SESN1: variants seen among roughly 807,000 people sequenced by gnomAD.
The protein encoded by SESN1 is sestrin-1.
In SESN1, 30 loss-of-function variants were observed where a neutral mutation model predicts 59.3. That is an observed-to-expected ratio of 0.51 (90% CI 0.38 to 0.69). The LOEUF is 0.69. Ranked by LOEUF, SESN1 falls within the 30% of genes least tolerant of loss-of-function variation. SESN1 has a pLI of 0.00. For missense variants in SESN1, 566 were observed against 673.0 expected, an observed-to-expected ratio of 0.84 and a Z score of 1.76; for synonymous variants, 197 against 219.9, an observed-to-expected ratio of 0.90 and a Z score of 0.92.
At chr6:109,091,906 T>C (rs1422715280) in intron 1 of SESN1, among the ~76,000 whole-genome samples, 3 of 152,212 alleles carry the variant, frequency 2.0e-5, no homozygotes, top group Admixed American at 6.5e-5. Context: ...AAGTATAAAT[T>C]TGTTCATCCA....
At chr6:109,060,392 G>C (rs1324863417) in intron 1 of SESN1, among the ~76,000 whole-genome samples, 1 of 152,098 alleles carries the variant, frequency 6.6e-6, no homozygotes, top group Non-Finnish European at 1.5e-5. Flanking sequence ...TTTCTAATTG[G>C]GAGTGGCAAG....
At chr6:109,013,497 C>T (rs762130983) in intron 1 of SESN1, among the ~76,000 whole-genome samples, 47 of 152,062 alleles carry the variant, frequency 3.1e-4, no homozygotes, top group Non-Finnish European at 5.4e-4. Context: ...CTTCCCTGAG[C>T]GCATTAGGTC....
chr6:108,993,067 T>C, intron 6 of SESN1, 168 bp from the exon 7 acceptor site: 1 of 556,414 alleles, frequency 1.8e-6, no homozygotes, highest in Non-Finnish European at 3.1e-6. Flanking sequence ...GTAAACAGAA[T>C]GTAGTAAAAG....
At chr6:109,050,679 T>C (rs563271147) in intron 1 of SESN1, among the ~76,000 whole-genome samples, 1 of 152,180 alleles carries the variant, frequency 6.6e-6, no homozygotes, top group Non-Finnish European at 1.5e-5. Flanking sequence ...ACATAATCCT[T>C]AGGTCTCTCA....
intron 5 of SESN1, among the ~76,000 whole-genome samples, chr6:108,994,860 G>A (rs550523323): frequency 3.2e-4 from 49 of 151,872 alleles, no homozygotes; most frequent in Non-Finnish European, 6.9e-4. Context: ...CTGCCACCAT[G>A]CCCGGCTAAT....
intron 1 of SESN1, among the ~76,000 whole-genome samples, chr6:109,067,375 G>C (rs1043644565): frequency 6.6e-6 from 1 of 152,080 alleles, no homozygotes; most frequent in Admixed American, 6.5e-5. Flanking sequence ...AGTCATCAAG[G>C]GTAGAAGTCT....
chr6:108,990,982 A>G (rs1317976201), intron 7 of SESN1, 147 bp from the exon 8 acceptor site: 11 of 638,614 alleles, frequency 1.7e-5, no homozygotes, highest in Non-Finnish European at 2.9e-5. Context: ...CTTACACTCC[A>G]ATCTTTTTTT....
At chr6:109,081,618 T>G (rs1322005609) in intron 1 of SESN1, among the ~76,000 whole-genome samples, 1 of 152,210 alleles carries the variant, frequency 6.6e-6, no homozygotes, top group Non-Finnish European at 1.5e-5. Context: ...TAAGACAACT[T>G]GATTCCAATC....
chr6:109,033,439 T>C (rs1266388490), intron 1 of SESN1, among the ~76,000 whole-genome samples: 3 of 152,234 alleles, frequency 2.0e-5, no homozygotes, highest in Admixed American at 2.0e-4. Flanking sequence ...TTGATGGAGA[T>C]GCTTATCAAT....
intron 1 of SESN1, among the ~76,000 whole-genome samples, chr6:109,084,181 T>C (rs1033802438): frequency 7.2e-5 from 11 of 152,356 alleles, no homozygotes; most frequent in East Asian, 5.8e-4. Context: ...CAATGAATGA[T>C]TATATATACA....
intron 1 of SESN1, among the ~76,000 whole-genome samples, chr6:109,013,815 C>G (rs1485719069): frequency 1.3e-5 from 2 of 152,178 alleles, no homozygotes; most frequent in East Asian, 1.9e-4. Flanking sequence ...TCATTTAGAA[C>G]AAATGCTGGT....
intron 1 of SESN1, among the ~76,000 whole-genome samples, chr6:109,056,889 TA>T (rs1780641125): frequency 6.6e-6 from 1 of 152,186 alleles, no homozygotes; most frequent in Non-Finnish European, 1.5e-5. Flanking sequence ...GATTAGGTTA[TA>T]AAAGACATTG....
At position 109,011,296 on chromosome 6, in the gene SESN1, A is replaced by G. The variant is rs1779854192; in HGVS notation, c.280-8953T>C. Among the ~76,000 whole-genome samples, 3 of 152,232 alleles carry G rather than the reference A, an allele frequency of 2.0e-5. No homozygotes were observed. In the South Asian group the frequency reaches 6.2e-4, roughly 31 times the overall value. On this transcript the variant is annotated intron_variant, in intron 1 of 9. Coordinates refer to ENST00000436639, the MANE Select transcript of SESN1 (RefSeq NM_014454.3). The stretch of plus-strand genomic sequence containing the variant: ...TTTATTGAAGAAATATTTCAGATAT[A>G]CTGAAATTGTATAGGAAGCTCCAAT...
intron 1 of SESN1, chr6:109,009,523 C>G: frequency 8.4e-7 from 1 of 1,187,174 alleles, no homozygotes; most frequent in South Asian, 4.1e-5. Context: ...GGCCGCGGCT[C>G]CTGGCTGCAG....
chr6:109,093,356 C>T (rs1425368672), intron 1 of SESN1, among the ~76,000 whole-genome samples: 1 of 152,036 alleles, frequency 6.6e-6, no homozygotes, highest in Non-Finnish European at 1.5e-5. Context: ...ATTTAGAGAA[C>T]ACATCCTGGT....
At chr6:109,055,922 T>C (rs2114449030) in intron 1 of SESN1, among the ~76,000 whole-genome samples, 1 of 152,322 alleles carries the variant, frequency 6.6e-6, no homozygotes, top group East Asian at 1.9e-4. Flanking sequence ...GGTATAGTTT[T>C]AGATTTCAGA....
chr6:109,001,337 T>A lies in SESN1; in HGVS notation c.497A>T (p.Gln166Leu). 3 of 1,613,920 alleles carry A rather than the reference T, an allele frequency of 1.9e-6. No individual in the cohort carries two copies. In the South Asian group the frequency reaches 3.3e-5, roughly 18 times the overall value. ...ATGTAGGGGTAACGGCCCATCCATT[T>A]GCAGTAGATAGTGCTGAGTTTTTAA... ...SFLKTQHYLLQMDGPLPLHYR... is the reference protein window; with the variant it reads ...SFLKTQHYLLLMDGPLPLHYR... Residue 166 changes from glutamine (Q) to leucine (L), a missense_variant, in exon 3 of 10, where the codon CAA (glutamine) becomes CTA (leucine). Coordinates refer to ENST00000436639, the MANE Select transcript of SESN1 (RefSeq NM_014454.3).
At chr6:109,064,527 C>T (rs558135794) in intron 1 of SESN1, among the ~76,000 whole-genome samples, 1 of 141,960 alleles carries the variant, frequency 7.0e-6, no homozygotes, top group South Asian at 2.4e-4. Flanking sequence ...CAAATCAAAA[C>T]ATGGGACATA....
intron 1 of SESN1, among the ~76,000 whole-genome samples, chr6:109,023,206 G>A (rs1244973771): frequency 6.6e-6 from 1 of 152,094 alleles, no homozygotes; most frequent in Admixed American, 6.6e-5. Context: ...CAACTTTCTT[G>A]ATTCCATTTA....
Sources: allele counts gnomAD v4.1 joint callset (sites outside exome capture counted in the v4.1 genomes callset), GRCh38; gene constraint gnomAD v4.1.1; transcripts MANE v1.5; gene names NCBI Gene and HGNC (gene_info 2026-07-23, HGNC 2026-07-21).